Variants in FIG4 observed in about 807,000 individuals in gnomAD.
FIG4 encodes the protein polyphosphoinositide phosphatase.
In FIG4, 112 loss-of-function variants were observed where a neutral mutation model predicts 118.6. The observed-to-expected ratio is 0.94, with a 90% confidence interval of 0.81 to 1.11. FIG4 has a LOEUF of 1.11. FIG4 is among the 50% of genes least tolerant of loss of function. The pLI is 0.00. For synonymous variants in FIG4, 369 were observed against 381.2 expected, an observed-to-expected ratio of 0.97 and a Z score of 0.37; for missense variants, 969 against 1,111.7, an observed-to-expected ratio of 0.87 and a Z score of 1.83.
chr6:109,739,336 C>T (rs1776253113), intron 7 of FIG4, among the ~76,000 whole-genome samples: 1 of 152,054 alleles, frequency 6.6e-6, no homozygotes, highest in Non-Finnish European at 1.5e-5. Flanking sequence ...TTTAAGAAGG[C>T]AGCATGTACC....
chr6:109,767,988 T>C (rs2128392890), intron 15 of FIG4, among the ~76,000 whole-genome samples: 1 of 152,322 alleles, frequency 6.6e-6, no homozygotes, highest in South Asian at 2.1e-4. Context: ...GGTATCCTGC[T>C]GTTGAAGAGA....
chr6:109,785,346 A>G (rs996176493), intron 17 of FIG4, among the ~76,000 whole-genome samples: 1 of 152,194 alleles, frequency 6.6e-6, no homozygotes, highest in Non-Finnish European at 1.5e-5. Flanking sequence ...AATACAGTTT[A>G]TATTTCTACA....
At chr6:109,702,986 A>G (rs778024106) in intron 1 of FIG4, among the ~76,000 whole-genome samples, 10 of 151,944 alleles carry the variant, frequency 6.6e-5, no homozygotes, top group Middle Eastern at 3.2e-3. Flanking sequence ...CATACTCTCT[A>G]TGACAGTTTC....
rs10523453 is a variant in FIG4, at chr6:109,822,787, G to GTATATATA, written c.2547-2267_2547-2260dup. On this transcript the variant is annotated intron_variant, in intron 22 of 22. Transcript: ENST00000230124. ...TGTATATATATGTGTGTGTGTGTAT[G>GTATATATA]TATATATATATATATATATATATAT... is the stretch of plus-strand genomic sequence containing the variant. 2.1e-3 allele frequency among the ~76,000 whole-genome samples: 254 copies of GTATATATA among 120,324 alleles called. 1 individual carries two copies. Among genetic ancestry groups the GTATATATA allele is most frequent in the African/African-American group, 4.6e-3 (143 of 31,332 alleles). The allele number at this position is 120,324 out of a possible 152,430, so 78.9% of individuals were successfully genotyped here. A position where few individuals can be genotyped will look rare whatever the true frequency, so the allele number is the denominator to read the frequency against.
intron 22 of FIG4, among the ~76,000 whole-genome samples, chr6:109,806,364 C>T (rs188350729): frequency 2.0e-5 from 3 of 152,228 alleles, no homozygotes; most frequent in East Asian, 1.9e-4. Flanking sequence ...CTTATTTATT[C>T]CCAAAGCCCC....
chr6:109,705,820 A>G (rs978680904), intron 1 of FIG4, among the ~76,000 whole-genome samples: 1 of 152,102 alleles, frequency 6.6e-6, no homozygotes, highest in Non-Finnish European at 1.5e-5. Context: ...CTTCACATAT[A>G]CCCCCAAACC....
intron 5 of FIG4, among the ~76,000 whole-genome samples, chr6:109,733,205 A>G (rs1776060104): frequency 1.3e-5 from 2 of 152,190 alleles, no homozygotes; most frequent in East Asian, 1.9e-4. Flanking sequence ...CAAAAATACA[A>G]CTCTCCATTG....
At chr6:109,820,812 A>G (rs369547469) in intron 22 of FIG4, among the ~76,000 whole-genome samples, 2 of 152,146 alleles carry the variant, frequency 1.3e-5, no homozygotes, top group Non-Finnish European at 2.9e-5. Context: ...AAACTGTGCG[A>G]TACAGTATCC....
At chr6:109,784,888 A>G in intron 16 of FIG4, 82 bp from the exon 17 acceptor site, 1 of 723,840 alleles carries the variant, frequency 1.4e-6, no homozygotes, top group Non-Finnish European at 2.4e-6. Flanking sequence ...ACTATAGACC[A>G]TATAAATTAT....
intron 4 of FIG4, among the ~76,000 whole-genome samples, chr6:109,729,345 A>G (rs1001278904): frequency 1.3e-5 from 2 of 152,224 alleles, no homozygotes; most frequent in East Asian, 1.9e-4. Context: ...AATGATACCT[A>G]TTAAAAACCT....
At chr6:109,798,538 G>A (rs1157169984) in intron 22 of FIG4, among the ~76,000 whole-genome samples, 2 of 152,146 alleles carry the variant, frequency 1.3e-5, no homozygotes, top group Non-Finnish European at 2.9e-5. Context: ...AGAGAACCTG[G>A]GCTGGGGATG....
At chr6:109,715,271 TTATCATAAATCTAA>T (rs796107451) in intron 2 of FIG4, 95 bp downstream of exon 2, 1 of 675,796 alleles carries the variant, frequency 1.5e-6, no homozygotes, top group Middle Eastern at 2.6e-4. Flanking sequence ...TATATTATTT[TTATCATAAATCTAA>T]AAGTTTCCGT....
intron 15 of FIG4, 86 bp from the exon 16 acceptor site, chr6:109,776,836 G>C: frequency 1.9e-6 from 2 of 1,075,066 alleles, no homozygotes; most frequent in Non-Finnish European, 2.9e-6. Flanking sequence ...TACTACTTTT[G>C]TACCACTATC....
At chr6:109,802,686 G>A (rs929655423) in intron 22 of FIG4, among the ~76,000 whole-genome samples, 13 of 152,162 alleles carry the variant, frequency 8.5e-5, no homozygotes, top group African/African-American at 2.9e-4. Context: ...ATTGTTTGTT[G>A]AATGAATGAA....
intron 3 of FIG4, among the ~76,000 whole-genome samples, chr6:109,721,477 C>T (rs1458681410): frequency 6.6e-6 from 1 of 152,130 alleles, no homozygotes; most frequent in East Asian, 1.9e-4. Context: ...GCATACTACT[C>T]CATTCTCTCA....
intron 15 of FIG4, among the ~76,000 whole-genome samples, chr6:109,773,721 G>T (rs1368730719): frequency 1.3e-5 from 2 of 152,182 alleles, no homozygotes; most frequent in Non-Finnish European, 2.9e-5. Flanking sequence ...ACCCAGATTG[G>T]AGTGCAGTGG....
intron 22 of FIG4, among the ~76,000 whole-genome samples, chr6:109,799,730 C>T (rs1415442691): frequency 6.6e-6 from 1 of 152,152 alleles, no homozygotes; most frequent in African/African-American, 2.4e-5. Flanking sequence ...GCCAGTGGAA[C>T]AGGGGCTCTT....
intron 10 of FIG4, among the ~76,000 whole-genome samples, chr6:109,746,522 G>C (rs1392986356): frequency 1.3e-5 from 2 of 152,110 alleles, no homozygotes; most frequent in Non-Finnish European, 1.5e-5. Context: ...AGGAAGTGTG[G>C]TGGGTTGGAG....
chr6:109,720,512 T>C (rs1211090532), intron 3 of FIG4, among the ~76,000 whole-genome samples: 5 of 152,228 alleles, frequency 3.3e-5, no homozygotes, highest in African/African-American at 7.2e-5. Context: ...CTCTAGGATC[T>C]GTAATAAAGG....
Sources: gnomAD v4.1 joint callset for allele counts (sites outside exome capture counted in the v4.1 genomes callset) on GRCh38, gnomAD v4.1.1 for gene constraint, MANE v1.5 for transcripts, NCBI Gene and HGNC (gene_info 2026-07-23, HGNC 2026-07-21) for gene names.